Variants in GALM observed in about 807,000 individuals in gnomAD.
GALM encodes the protein aldose 1-epimerase.
Under a neutral mutation model 37.4 loss-of-function variants are expected in GALM, and 43 were observed. The ratio of observed to expected loss-of-function variants is 1.15; its 90% CI spans 0.90 to 1.48. GALM has a LOEUF of 1.48. GALM is among the 40% of genes most tolerant of loss of function. GALM has a pLI of 0.00. For missense variants in GALM, 456 were observed against 419.1 expected, an observed-to-expected ratio of 1.09 and a Z score of -0.77; for synonymous variants, 199 against 170.6, an observed-to-expected ratio of 1.17 and a Z score of -1.30.
chr2:38,675,344 T>C (rs1415370416), intron 1 of GALM, among the ~76,000 whole-genome samples: 1 of 152,168 alleles, frequency 6.6e-6, no homozygotes, highest in Non-Finnish European at 1.5e-5. Context: ...TAAAATTCTT[T>C]ACAATTTTGT....
chr2:38,722,048 C>G (rs1558596051), intron 4 of GALM, among the ~76,000 whole-genome samples: 1 of 121,760 alleles, frequency 8.2e-6, no homozygotes, highest in East Asian at 3.2e-4. Context: ...CCACCCCCCC[C>G]CCCCACCTAG....
intron 5 of GALM, among the ~76,000 whole-genome samples, 154 bp from the exon 6 acceptor site, chr2:38,731,581 T>A (rs866109988): frequency 1.3e-5 from 2 of 151,954 alleles, no homozygotes; most frequent in African/African-American, 4.8e-5. Flanking sequence ...CTGGAAGAAT[T>A]TTCCATCATG....
At chr2:38,708,760 TCAA>T (rs1279897159) in intron 4 of GALM, among the ~76,000 whole-genome samples, 1 of 150,280 alleles carries the variant, frequency 6.7e-6, no homozygotes, top group African/African-American at 2.4e-5. Flanking sequence ...GAAAGTGCTG[TCAA>T]CAAGCTGTGA....
intron 5 of GALM, among the ~76,000 whole-genome samples, chr2:38,730,359 C>T (rs1666578908): frequency 6.6e-6 from 1 of 152,120 alleles, no homozygotes; most frequent in African/African-American, 2.4e-5. Context: ...CTCCGCCTCC[C>T]GGGTTCAAGT....
At chr2:38,688,166 T>C (rs1431337236) in intron 3 of GALM, among the ~76,000 whole-genome samples, 1 of 150,028 alleles carries the variant, frequency 6.7e-6, no homozygotes, top group Non-Finnish European at 1.5e-5. Context: ...GAGCCAAGAT[T>C]ACACTACTTC....
chr2:38,697,840 G>A (rs1430990186), intron 4 of GALM, among the ~76,000 whole-genome samples: 1 of 152,140 alleles, frequency 6.6e-6, no homozygotes. Flanking sequence ...CGTCTTCAAT[G>A]CAGAGCCGGC....
chr2:38,705,247 C>G (rs1037781038), intron 4 of GALM, among the ~76,000 whole-genome samples: 1 of 152,168 alleles, frequency 6.6e-6, no homozygotes, highest in African/African-American at 2.4e-5. Flanking sequence ...GTGGTCACTA[C>G]ATTCTGAAGG....
intron 6 of GALM, 108 bp downstream of exon 6, chr2:38,732,017 T>C: frequency 1.0e-6 from 1 of 991,102 alleles, no homozygotes; most frequent in Non-Finnish European, 1.5e-6. Flanking sequence ...GTTCATGCTT[T>C]GTTTGTTTGG....
In GALM at chr2:38,666,190, G is replaced by C. The variant is rs759116307; in HGVS notation, c.29G>C (p.Gly10Ala). The stretch of plus-strand genomic sequence containing the variant: ...GCTTCGGTGACCAGGGCCGTGTTTG[G>C]AGAGCTGCCCTCGGGAGGAGGGACA... The part of the protein sequence containing the change: MASVTRAVF[G>A]ELPSGGGTVE... Residue 10 changes from glycine to alanine, a missense_variant, in exon 1 of 7, where the codon GGA becomes GCA. By Grantham distance (60) the Gly-to-Ala change is moderately conservative (BLOSUM62 0). Transcript: ENST00000272252. 15 of 1,613,558 alleles carry C rather than the reference G, an allele frequency of 9.3e-6. No individual in the cohort carries two copies. In the East Asian group the frequency reaches 3.3e-4, roughly 36 times the overall value.
intron 4 of GALM, among the ~76,000 whole-genome samples, chr2:38,706,496 G>C (rs1348048048): frequency 7.3e-6 from 1 of 137,020 alleles, no homozygotes; most frequent in Admixed American, 7.6e-5. Flanking sequence ...GCAACATATC[G>C]AGACCCCATC....
At chr2:38,730,920 CA>C (rs35932426) in intron 5 of GALM, among the ~76,000 whole-genome samples, 145 of 124,266 alleles carry the variant, frequency 1.2e-3, no homozygotes, top group Non-Finnish European at 1.2e-3. Flanking sequence ...AACTCCATCT[CA>C]AAAAAAAAAA....
At chr2:38,703,677 G>A (rs1412447525) in intron 4 of GALM, among the ~76,000 whole-genome samples, 1 of 152,122 alleles carries the variant, frequency 6.6e-6, no homozygotes, top group Non-Finnish European at 1.5e-5. Flanking sequence ...CTGGGAAGAT[G>A]ATGAAAGAAC....
At chr2:38,707,327 G>C (rs757898420) in intron 4 of GALM, among the ~76,000 whole-genome samples, 5 of 152,132 alleles carry the variant, frequency 3.3e-5, no homozygotes, top group African/African-American at 4.8e-5. Context: ...ATAGACTGAG[G>C]AGAGCAGTGG....
intron 4 of GALM, among the ~76,000 whole-genome samples, chr2:38,723,213 G>A (rs1369792234): frequency 3.3e-5 from 5 of 152,136 alleles, no homozygotes; most frequent in African/African-American, 1.2e-4. Flanking sequence ...TACAAACTGG[G>A]TCATTGTCAT....
chr2:38,720,214 A>G (rs1666349904), intron 4 of GALM, among the ~76,000 whole-genome samples: 1 of 152,032 alleles, frequency 6.6e-6, no homozygotes, highest in Non-Finnish European at 1.5e-5. Context: ...CTTGTCTCTA[A>G]ATAAATAAAC....
Position 38,694,854 on chromosome 2 carries a change from G to A in GALM, c.634+4960G>A, listed in dbSNP as rs189176588. ...GGAGGTTGCAGTGAGCCAAGATCGG[G>A]CCACTACACTCCAGCCTGGGCAACA... On this transcript the variant is annotated intron_variant, in intron 4 of 6. Transcript: ENST00000272252. 6.5e-3 allele frequency among the ~76,000 whole-genome samples: 895 copies of A among 136,996 alleles called. 14 individuals are homozygous for A. Among genetic ancestry groups the A allele is most frequent in the African/African-American group, 0.023 (851 of 37,722 alleles). The allele number at this position is 136,996 out of a possible 152,430, so 89.9% of individuals were successfully genotyped here. A position where few individuals can be genotyped will look rare whatever the true frequency, so the allele number is the denominator to read the frequency against.
intron 3 of GALM, among the ~76,000 whole-genome samples, chr2:38,686,226 TTCTTTCTTTC>T (rs1665516599): frequency 7.0e-5 from 1 of 14,216 alleles, no homozygotes; most frequent in Non-Finnish European, 1.2e-4. Flanking sequence ...GGAAATTTCT[TTCTTTCTTTC>T]TTTCTTTCTT....
chr2:38,683,829 A>G lies in GALM; in HGVS notation c.552+2343A>G, dbSNP rs544201923. ...TGATCCACCCGCTTCAGCCTCCCAAAGTGCTAGGATTACAGGCGTGAGCCA... is the reference window on the plus strand; with the variant it reads ...TGATCCACCCGCTTCAGCCTCCCAAGGTGCTAGGATTACAGGCGTGAGCCA... On this transcript the variant is annotated intron_variant, in intron 3 of 6. Coordinates refer to ENST00000272252, the MANE Select transcript of GALM (RefSeq NM_138801.3). 4.4e-4 allele frequency among the ~76,000 whole-genome samples: 67 copies of G among 152,292 alleles called. No individual in the cohort carries two copies. In the Middle Eastern group the frequency reaches 0.01, roughly 23 times the overall value.
At chr2:38,715,582 T>C (rs528562393) in intron 4 of GALM, among the ~76,000 whole-genome samples, 1 of 152,182 alleles carries the variant, frequency 6.6e-6, no homozygotes, top group Non-Finnish European at 1.5e-5. Flanking sequence ...GGACCACAGG[T>C]ATGCACCACC....
Sources: allele counts gnomAD v4.1 joint callset (sites outside exome capture counted in the v4.1 genomes callset), GRCh38; gene constraint gnomAD v4.1.1; transcripts MANE v1.5; gene names NCBI Gene and HGNC (gene_info 2026-07-23, HGNC 2026-07-21).